KIAA1549L: variants seen among roughly 807,000 people sequenced by gnomAD.
KIAA1549L encodes UPF0606 protein KIAA1549L.
KIAA1549L carries 88 observed loss-of-function variants against 160.7 expected under a neutral mutation model. The observed-to-expected ratio is 0.55, with a 90% CI of 0.46 to 0.65. The LOEUF is 0.65. Among genes scored for constraint, KIAA1549L ranks in the 30% least tolerant of loss-of-function variants. The pLI is 0.00. For missense variants in KIAA1549L, 2,258 were observed against 2,437.5 expected (o/e 0.93, Z 1.55); for synonymous variants, 950 against 976.7 (o/e 0.97, Z 0.51).
At chr11:33,382,453 G>C (rs1850090840) in intron 1 of KIAA1549L, among the ~76,000 whole-genome samples, 1 of 152,120 alleles carries the variant, frequency 6.6e-6, no homozygotes, top group African/African-American at 2.4e-5. Context: ...AAAGGAAAAA[G>C]AGGCATTGGA....
intron 1 of KIAA1549L, among the ~76,000 whole-genome samples, chr11:33,510,138 T>A (rs1853192072): frequency 6.6e-6 from 1 of 151,910 alleles, no homozygotes; most frequent in Non-Finnish European, 1.5e-5. Context: ...GATCTCTCAC[T>A]CTCTCTCTCA....
chr11:33,597,116 A>G (rs1850221693), intron 12 of KIAA1549L, among the ~76,000 whole-genome samples: 1 of 152,224 alleles, frequency 6.6e-6, no homozygotes. Flanking sequence ...AAACGAGACC[A>G]GATGAATCTC....
At chr11:33,624,280 A>G (rs545773366) in intron 16 of KIAA1549L, among the ~76,000 whole-genome samples, 2 of 152,312 alleles carry the variant, frequency 1.3e-5, no homozygotes, top group African/African-American at 2.4e-5. Flanking sequence ...GCAAGAGCTG[A>G]CATCTGAGGA....
chr11:33,521,036 A>G (rs557476011), intron 1 of KIAA1549L, among the ~76,000 whole-genome samples: 2 of 152,138 alleles, frequency 1.3e-5, no homozygotes, highest in African/African-American at 4.8e-5. Context: ...GCATGGTGGC[A>G]CATGCCCGTA....
At chr11:33,532,946 T>C (rs1328461494) in intron 1 of KIAA1549L, among the ~76,000 whole-genome samples, 1 of 152,182 alleles carries the variant, frequency 6.6e-6, no homozygotes, top group Non-Finnish European at 1.5e-5. Flanking sequence ...GAACCACCAC[T>C]GTGGCTGGAT....
intron 1 of KIAA1549L, among the ~76,000 whole-genome samples, chr11:33,454,270 C>G (rs972408279): frequency 2.6e-5 from 4 of 152,174 alleles, no homozygotes; most frequent in African/African-American, 9.7e-5. Flanking sequence ...ATTTCTAACT[C>G]CAGTTCTAGC....
chr11:33,615,645 G>A (rs960668633), intron 15 of KIAA1549L, among the ~76,000 whole-genome samples: 2 of 152,006 alleles, frequency 1.3e-5, no homozygotes, highest in African/African-American at 4.8e-5. Flanking sequence ...TGTTGCCTCC[G>A]AGACAAAAGT....
rs777143332 is a variant in KIAA1549L, at chr11:33,618,484, A to G, written c.5280-49A>G. The stretch of plus-strand genomic sequence containing the variant: ...GTACTTTGGATCAGTGGAGAATTCC[A>G]TCTGTCAGGGCATTTGCTGCATCAT... On this transcript the variant is annotated intron_variant, in intron 15 of 20. Coordinates refer to ENST00000658780, the MANE Select transcript of KIAA1549L (RefSeq NM_012194.3). 1.7e-5 allele frequency: 26 copies of G among 1,542,184 alleles called. No homozygotes were observed. In the South Asian group the frequency reaches 2.4e-4, roughly 14 times the overall value.
At chr11:33,634,142 A>G (rs893420619) in intron 16 of KIAA1549L, among the ~76,000 whole-genome samples, 1 of 152,080 alleles carries the variant, frequency 6.6e-6, no homozygotes, top group Non-Finnish European at 1.5e-5. Context: ...TCCCGGGTTC[A>G]AGCAATTCTC....
chr11:33,549,490 T>A (rs143486102), intron 4 of KIAA1549L, among the ~76,000 whole-genome samples: 25 of 152,296 alleles, frequency 1.6e-4, no homozygotes, highest in African/African-American at 5.5e-4. Flanking sequence ...ACTGAGTGAT[T>A]TAGTTGATTT....
intron 1 of KIAA1549L, among the ~76,000 whole-genome samples, chr11:33,478,475 G>T (rs1382269976): frequency 6.6e-6 from 1 of 152,232 alleles, no homozygotes; most frequent in African/African-American, 2.4e-5. Context: ...ACATGGAGCG[G>T]ATTTCAGAGC....
At chr11:33,642,018 C>G (rs541828284) in intron 16 of KIAA1549L, among the ~76,000 whole-genome samples, 47 of 152,188 alleles carry the variant, frequency 3.1e-4, no homozygotes, top group African/African-American at 1.1e-3. Flanking sequence ...AAAGGACAAA[C>G]TTATCACTAC....
At position 33,669,593 on chromosome 11, in the gene KIAA1549L, A is replaced by G. The variant is rs1007783643; in HGVS notation, c.*1439A>G. The G allele has an allele frequency of 1.3e-5, 2 of 152,076 alleles. No homozygotes were observed. The highest frequency in any genetic ancestry group is 2.9e-5 in the Non-Finnish European group (2 of 68,024). 9.4% of individuals were successfully genotyped at this position (152,076 alleles called of 1,614,324 possible). On this transcript the variant is annotated 3_prime_UTR_variant, in exon 21 of 21. Transcript: ENST00000658780. ...GACCCATCTAGCTTCAGCTGTATCC[A>G]TTTTCTTCTGAGCCCATCTTCCATT... is the stretch of plus-strand genomic sequence containing the variant.
At chr11:33,552,036 A>T in intron 5 of KIAA1549L, 72 bp from the exon 6 acceptor site, 1 of 1,551,454 alleles carries the variant, frequency 6.4e-7, no homozygotes, top group Admixed American at 1.8e-5. Flanking sequence ...GTTTTATATT[A>T]TGACCACTGT....
At chr11:33,600,522 C>A (rs1320507664) in intron 13 of KIAA1549L, among the ~76,000 whole-genome samples, 1 of 151,828 alleles carries the variant, frequency 6.6e-6, no homozygotes, top group African/African-American at 2.4e-5. Context: ...TCCCGCCCTC[C>A]CAGCTCCGCC....
At chr11:33,548,354 A>G (rs1854336439) in intron 4 of KIAA1549L, among the ~76,000 whole-genome samples, 1 of 152,202 alleles carries the variant, frequency 6.6e-6, no homozygotes, top group Non-Finnish European at 1.5e-5. Context: ...AGCTGAGATC[A>G]TGCCGCTGCA....
intron 1 of KIAA1549L, among the ~76,000 whole-genome samples, chr11:33,422,692 C>T (rs938139178): frequency 2.6e-5 from 4 of 151,448 alleles, no homozygotes; most frequent in Non-Finnish European, 5.9e-5. Context: ...GCCTTTTTCA[C>T]CCCTCCCTAT....
At chr11:33,422,202 T>C (rs982328841) in intron 1 of KIAA1549L, among the ~76,000 whole-genome samples, 2 of 152,182 alleles carry the variant, frequency 1.3e-5, no homozygotes, top group South Asian at 4.1e-4. Flanking sequence ...ACACTTTCGA[T>C]CTCTTGAATT....
At chr11:33,413,926 AAAG>A (rs1356941399) in intron 1 of KIAA1549L, among the ~76,000 whole-genome samples, 1 of 152,176 alleles carries the variant, frequency 6.6e-6, no homozygotes, top group Non-Finnish European at 1.5e-5. Context: ...ACATTCAGAA[AAAG>A]AAGATTAGAG....
Sources: gnomAD v4.1 joint callset for allele counts (sites outside exome capture counted in the v4.1 genomes callset) on GRCh38, gnomAD v4.1.1 for gene constraint, MANE v1.5 for transcripts, NCBI Gene and HGNC (gene_info 2026-07-23, HGNC 2026-07-21) for gene names.